Variants in ZNF846 observed in about 807,000 individuals in gnomAD.
ZNF846 encodes the protein zinc finger protein 846.
In ZNF846, 15 loss-of-function variants were observed where a neutral mutation model predicts 16.0. The observed-to-expected ratio is 0.94, with a 90% CI of 0.63 to 1.45. The LOEUF is 1.45. Ranked by LOEUF, ZNF846 falls within the 40% of genes most tolerant of loss-of-function variation. The pLI is 0.00. For missense variants in ZNF846, 714 were observed against 622.3 expected, an observed-to-expected ratio of 1.15 and a Z score of -1.57; for synonymous variants, 229 against 212.0, an observed-to-expected ratio of 1.08 and a Z score of -0.70.
chr19:9,758,442 G>C, exon 6 of ZNF846: 1 of 1,613,244 alleles, frequency 6.2e-7, no homozygotes, highest in Non-Finnish European at 8.5e-7. Flanking sequence ...TAACTTAAGG[G>C]ATGACTGATT....
intron 1 of ZNF846, among the ~76,000 whole-genome samples, chr19:9,783,502 G>A (rs1333206458): frequency 7.4e-6 from 1 of 135,482 alleles, no homozygotes; most frequent in East Asian, 2.1e-4. Flanking sequence ...TCCAGCCTGG[G>A]CAACATAGTG....
chr19:9,754,564 TAAAAAAAAAAA>T (rs545236944), downstream of ZNF846, among the ~76,000 whole-genome samples: 3 of 88,708 alleles, frequency 3.4e-5, no homozygotes, highest in African/African-American at 1.5e-4. Context: ...GACTCTGTCT[TAAAAAAAAAAA>T]AAAAAAAAAA....
chr19:9,765,955 T>C (rs1301828354), intron 1 of ZNF846, among the ~76,000 whole-genome samples: 3 of 151,962 alleles, frequency 2.0e-5, no homozygotes, highest in African/African-American at 4.8e-5. Flanking sequence ...TATACACATA[T>C]ATGAAAACAA....
chr19:9,772,276 C>A (rs930756778), upstream of ZNF846, among the ~76,000 whole-genome samples: 7 of 151,974 alleles, frequency 4.6e-5, no homozygotes, highest in African/African-American at 1.7e-4. Context: ...TTCCTAATTC[C>A]TTTTATGAAG....
At chr19:9,777,668 C>CAAAAAAA (rs57809806) in intron 1 of ZNF846, among the ~76,000 whole-genome samples, 20,895 of 142,768 alleles carry the variant, frequency 0.15, 2,740 homozygotes, top group African/African-American at 0.36. Flanking sequence ...AGACTCTGTC[C>CAAAAAAA]AAAAAAAAAA....
intron 1 of ZNF846, among the ~76,000 whole-genome samples, chr19:9,767,399 T>C (rs1233365340): frequency 6.6e-6 from 1 of 151,842 alleles, no homozygotes; most frequent in Non-Finnish European, 1.5e-5. Flanking sequence ...CCTCCCAAAG[T>C]GCCAGGATTA....
intron 1 of ZNF846, among the ~76,000 whole-genome samples, chr19:9,780,386 T>G (rs2045490833): frequency 6.6e-6 from 1 of 152,132 alleles, no homozygotes; most frequent in Admixed American, 6.6e-5. Context: ...CTTAGTTCTC[T>G]GAAATGTTTT....
At chr19:9,768,849 G>C (rs1168267364), upstream of ZNF846, 1 of 152,346 alleles carries the variant, frequency 6.6e-6, no homozygotes, top group Middle Eastern at 3.4e-3. Context: ...AGAAGAGCTG[G>C]GGCCACCTCT....
At chr19:9,753,856 G>C (rs932763581), downstream of ZNF846, among the ~76,000 whole-genome samples, 2 of 151,764 alleles carry the variant, frequency 1.3e-5, no homozygotes, top group Middle Eastern at 3.4e-3. Flanking sequence ...TTCCACATAT[G>C]CTTGAGAAAA....
Position 9,758,995 on chromosome 19 carries a change from ATATT to A in ZNF846, c.313-235_313-232del, listed in dbSNP as rs534658459. On this transcript the variant is annotated intron_variant, in intron 5 of 5. Coordinates refer to ENST00000397902, the Ensembl canonical transcript of ZNF846. Reference sequence around the variant, plus strand: ...CAGAGCTTCTTAGACAATCTGTCTGATATTTATTTATTTATTTATTTAAGAAAGA... The same window carrying A: ...CAGAGCTTCTTAGACAATCTGTCTGATATTTATTTATTTATTTAAGAAAGA... 8.6e-5 allele frequency among the ~76,000 whole-genome samples: 13 copies of A among 151,534 alleles called. 1 individual carries two copies. The highest frequency in any genetic ancestry group is 2.2e-4 in the African/African-American group (9 of 40,962).
chr19:9,750,447 G>A (rs1227921688), downstream of ZNF846, among the ~76,000 whole-genome samples: 1 of 152,172 alleles, frequency 6.6e-6, no homozygotes, highest in Non-Finnish European at 1.5e-5. Context: ...GATTTTGGGT[G>A]CAGGACCCCT....
intron 1 of ZNF846, among the ~76,000 whole-genome samples, chr19:9,785,566 C>A (rs1452815731): frequency 8.3e-6 from 1 of 120,154 alleles, no homozygotes; most frequent in Non-Finnish European, 1.8e-5. Context: ...CCTGTCTCAA[C>A]CAAGACCGAG....
At chr19:9,782,311 G>C (rs916498265) in intron 1 of ZNF846, among the ~76,000 whole-genome samples, 9 of 152,090 alleles carry the variant, frequency 5.9e-5, no homozygotes, top group African/African-American at 9.7e-5. Flanking sequence ...TCTCACCCAG[G>C]CTAGAGTGCA....
downstream of ZNF846, among the ~76,000 whole-genome samples, chr19:9,753,344 C>G (rs969714768): frequency 2.0e-4 from 30 of 150,902 alleles, no homozygotes; most frequent in African/African-American, 6.9e-4. Context: ...CTCTGCCTCC[C>G]AGGTTCACAC....
chr19:9,762,199 C>T (rs751406880), intron 3 of ZNF846, 31 bp from the exon 4 acceptor site: 3 of 1,559,092 alleles, frequency 1.9e-6, no homozygotes, highest in Middle Eastern at 1.7e-4. Context: ...AAGAAGAGGC[C>T]CATGCAAGAC....
chr19:9,771,301 CTGAG>C (rs974070925), upstream of ZNF846, among the ~76,000 whole-genome samples: 10 of 152,234 alleles, frequency 6.6e-5, no homozygotes, highest in East Asian at 3.9e-4. Flanking sequence ...CCTCAGCCTC[CTGAG>C]TAAGTGAGAT....
chr19:9,764,784 A>C, intron 2 of ZNF846, 152 bp downstream of exon 2: 2 of 873,568 alleles, frequency 2.3e-6, no homozygotes, highest in Middle Eastern at 2.5e-4. Context: ...ACAACCTGAG[A>C]TGGCTTGGTT....
exon 6 of ZNF846, chr19:9,758,190 T>C (rs2045163920): frequency 2.5e-6 from 4 of 1,612,994 alleles, no homozygotes; most frequent in East Asian, 2.2e-5. Context: ...ATCAGTAAGG[T>C]ATGAAGAATG....
At chr19:9,768,402 T>C (rs978627270) in exon 1 of ZNF846, 10 of 152,194 alleles carry the variant, frequency 6.6e-5, no homozygotes, top group African/African-American at 7.2e-5. Flanking sequence ...CTGGCTGCTT[T>C]TAAACAGAGG....
Sources: allele counts gnomAD v4.1 joint callset (sites outside exome capture counted in the v4.1 genomes callset), GRCh38; gene constraint gnomAD v4.1.1; transcripts MANE v1.5; gene names NCBI Gene and HGNC (gene_info 2026-07-23, HGNC 2026-07-21).